Variants in GREB1L observed in about 807,000 individuals in gnomAD.
The protein encoded by GREB1L is GREB1-like protein.
In GREB1L, 17 loss-of-function variants were observed where a neutral mutation model predicts 200.8. The observed-to-expected ratio is 0.08, with a 90% CI of 0.06 to 0.13. GREB1L has a LOEUF of 0.13. Among genes scored for constraint, GREB1L ranks in the 10% least tolerant of loss-of-function variants. The pLI is 1.00. For missense variants in GREB1L, 1,657 were observed against 2,367.7 expected (o/e 0.70, Z 6.23); for synonymous variants, 789 against 893.0 (o/e 0.88, Z 2.08).
chr18:21,250,961 G>A (rs2037692834), intron 1 of GREB1L, among the ~76,000 whole-genome samples: 1 of 151,912 alleles, frequency 6.6e-6, no homozygotes, highest in Non-Finnish European at 1.5e-5. Context: ...GCATCTCCAT[G>A]CATATTTATA....
chr18:21,243,397 G>A (rs2037539173), intron 1 of GREB1L, among the ~76,000 whole-genome samples: 2 of 152,146 alleles, frequency 1.3e-5, no homozygotes, highest in African/African-American at 4.8e-5. Context: ...CGGTTCCAAG[G>A]TCCTTATCCT....
At chr18:21,276,219 C>A (rs747119619) in intron 1 of GREB1L, among the ~76,000 whole-genome samples, 23 of 152,162 alleles carry the variant, frequency 1.5e-4, no homozygotes, top group Non-Finnish European at 2.6e-4. Flanking sequence ...CCTTCTTCTG[C>A]GACACCACCT....
Position 21,452,222 on chromosome 18 carries a change from T to C in GREB1L, c.1984+5T>C. 1 of 1,550,952 alleles carries C rather than the reference T, an allele frequency of 6.4e-7. No individual in the cohort carries two copies. Among genetic ancestry groups the C allele is most frequent in the Non-Finnish European group, 8.7e-7 (1 of 1,146,728 alleles). ...TGATTCCCACACAAAACCTGGGTAA[T>C]GTCATCTCAGACCAAGAGGAGGAAG... On this transcript the variant is annotated splice_donor_5th_base_variant and intron_variant, in intron 14 of 32. Transcript: ENST00000424526.
chr18:21,509,875 T>C (rs989604790), intron 27 of GREB1L, among the ~76,000 whole-genome samples: 2 of 152,122 alleles, frequency 1.3e-5, no homozygotes, highest in Non-Finnish European at 2.9e-5. Flanking sequence ...ATATACAAAT[T>C]ATTATTTTTA....
intron 2 of GREB1L, among the ~76,000 whole-genome samples, chr18:21,383,182 T>C (rs1001787258): frequency 6.6e-6 from 1 of 152,104 alleles, no homozygotes; most frequent in African/African-American, 2.4e-5. Flanking sequence ...TATGGCCACA[T>C]TGTTAACCAG....
At chr18:21,263,330 G>A (rs1238840800) in intron 1 of GREB1L, among the ~76,000 whole-genome samples, 1 of 152,104 alleles carries the variant, frequency 6.6e-6, no homozygotes, top group Non-Finnish European at 1.5e-5. Flanking sequence ...CCTTGTCTTC[G>A]TCCATTACAA....
chr18:21,369,787 A>C (rs955466808), intron 2 of GREB1L, among the ~76,000 whole-genome samples: 9 of 151,870 alleles, frequency 5.9e-5, no homozygotes, highest in Non-Finnish European at 1.3e-4. Flanking sequence ...TCTCTACTAA[A>C]TAAATACAAA....
At chr18:21,254,725 G>C (rs1389437506) in intron 1 of GREB1L, among the ~76,000 whole-genome samples, 1 of 152,036 alleles carries the variant, frequency 6.6e-6, no homozygotes, top group Admixed American at 6.6e-5. Flanking sequence ...GTCATTCTCC[G>C]CCATCCTCAG....
At chr18:21,322,629 G>A (rs1463759506) in intron 1 of GREB1L, among the ~76,000 whole-genome samples, 1 of 152,134 alleles carries the variant, frequency 6.6e-6, no homozygotes, top group Admixed American at 6.6e-5. Context: ...AAGAACAGTA[G>A]TAGTGTATAG....
rs566833317 is a variant in GREB1L at position 21,297,707 on chromosome 18, C to G, written c.-120+55314C>G. ...ATATACCATTCCCAAGTCTTCAGAG[C>G]AAAGCTTGGAAGGAATTTCAACAGA... On this transcript the variant is annotated intron_variant, in intron 1 of 32. Transcript: ENST00000424526. Among the ~76,000 whole-genome samples the G allele has an allele frequency of 3.3e-5, 5 of 152,226 alleles. No individual in the cohort carries two copies. In the East Asian group the frequency reaches 9.7e-4, roughly 29 times the overall value.
Position 21,442,932 on chromosome 18 carries a change from C to T in GREB1L, c.1208-1292C>T, listed in dbSNP as rs572614668. On this transcript the variant is annotated intron_variant, in intron 10 of 32. Coordinates refer to ENST00000424526, the MANE Select transcript of GREB1L (RefSeq NM_001142966.3). The stretch of plus-strand genomic sequence containing the variant: ...TGTTTTTTGTCATTGTTTTTTGAGA[C>T]AGAGTCTTGCTCTGTCACTCAGGCT... Among the ~76,000 whole-genome samples, 119 of 152,208 alleles carry T rather than the reference C, an allele frequency of 7.8e-4. 1 individual carries two copies. Among genetic ancestry groups the T allele is most frequent in the Middle Eastern group, 3.4e-3 (1 of 294 alleles).
intron 1 of GREB1L, among the ~76,000 whole-genome samples, chr18:21,333,736 C>T (rs974947952): frequency 6.6e-6 from 1 of 151,506 alleles, no homozygotes; most frequent in African/African-American, 2.4e-5. Context: ...AATCCCAACA[C>T]TTTGGGAGGC....
At chr18:21,399,218 G>A (rs1247393979) in intron 5 of GREB1L, among the ~76,000 whole-genome samples, 1 of 152,114 alleles carries the variant, frequency 6.6e-6, no homozygotes, top group Non-Finnish European at 1.5e-5. Context: ...TGATTATTTT[G>A]GCTGAAAGGT....
chr18:21,488,667 A>G (rs1159713118), intron 18 of GREB1L, among the ~76,000 whole-genome samples: 1 of 151,996 alleles, frequency 6.6e-6, no homozygotes, highest in East Asian at 1.9e-4. Flanking sequence ...TCTCTTTTTT[A>G]TATTTTTAAG....
chr18:21,497,912 C>T (rs1308868253), intron 21 of GREB1L, among the ~76,000 whole-genome samples: 3 of 148,764 alleles, frequency 2.0e-5, no homozygotes, highest in African/African-American at 7.4e-5. Context: ...ACCTCCAGCT[C>T]CCAGGTTCAA....
intron 7 of GREB1L, among the ~76,000 whole-genome samples, chr18:21,413,607 A>G (rs2031312589): frequency 6.6e-6 from 1 of 152,140 alleles, no homozygotes; most frequent in African/African-American, 2.4e-5. Flanking sequence ...TAGGGATTGT[A>G]TCTTTGTCTT....
At chr18:21,491,002 C>T (rs947473614) in intron 19 of GREB1L, among the ~76,000 whole-genome samples, 4 of 152,174 alleles carry the variant, frequency 2.6e-5, no homozygotes, top group African/African-American at 7.2e-5. Flanking sequence ...CAGTGATTGA[C>T]TGCTTCTCCC....
chr18:21,437,177 C>T (rs2033602863), intron 7 of GREB1L, among the ~76,000 whole-genome samples: 1 of 152,154 alleles, frequency 6.6e-6, no homozygotes, highest in African/African-American at 2.4e-5. Flanking sequence ...GATCCTACTG[C>T]CATAACCTCC....
At chr18:21,401,355 G>A in intron 6 of GREB1L, 29 bp downstream of exon 6, 2 of 1,527,398 alleles carry the variant, frequency 1.3e-6, no homozygotes, top group Non-Finnish European at 1.8e-6. Flanking sequence ...GAAAAGGGGA[G>A]GGAATGGAGA....
Sources: allele counts gnomAD v4.1 joint callset (sites outside exome capture counted in the v4.1 genomes callset), GRCh38; gene constraint gnomAD v4.1.1; transcripts MANE v1.5; gene names NCBI Gene and HGNC (gene_info 2026-07-23, HGNC 2026-07-21).